Variants in OSTM1 observed in about 807,000 individuals in gnomAD.
The protein encoded by OSTM1 is osteoclastogenesis associated transmembrane protein 1, also known as osteopetrosis-associated transmembrane protein 1.
OSTM1 carries 26 observed loss-of-function variants against 35.4 expected under a neutral mutation model. The observed-to-expected ratio is 0.73, with a 90% CI of 0.54 to 1.02. The LOEUF (loss-of-function observed/expected upper bound fraction) is 1.02. Among genes scored for constraint, OSTM1 ranks in the 50% least tolerant of loss-of-function variants. The pLI, the probability that OSTM1 is intolerant of heterozygous loss-of-function variation, is 0.00. For missense variants in OSTM1, 366 were observed against 409.6 expected, an observed-to-expected ratio of 0.89 and a Z score of 0.92; for synonymous variants, 181 against 165.0, an observed-to-expected ratio of 1.10 and a Z score of -0.75.
At chr6:108,067,008 G>T (rs575193226) in intron 1 of OSTM1, among the ~76,000 whole-genome samples, 1 of 152,224 alleles carries the variant, frequency 6.6e-6, no homozygotes, top group South Asian at 2.1e-4. Flanking sequence ...CATTTCCTTT[G>T]ATCATGCCTG....
chr6:108,056,236 T>C (rs1772167800), intron 2 of OSTM1, among the ~76,000 whole-genome samples: 1 of 152,214 alleles, frequency 6.6e-6, no homozygotes, highest in African/African-American at 2.4e-5. Flanking sequence ...GGAAAAATTA[T>C]CATTATCTCC....
intron 2 of OSTM1, among the ~76,000 whole-genome samples, chr6:108,059,397 C>CAAGACTAATACCATTTG (rs1772234560): frequency 1.3e-5 from 2 of 151,980 alleles, no homozygotes; most frequent in African/African-American, 4.8e-5. Context: ...AGATTCCTAC[C>CAAGACTAATACCATTTG]AAGACTAATA....
chr6:108,060,396 A>T (rs922505629), intron 2 of OSTM1, among the ~76,000 whole-genome samples: 1 of 152,226 alleles, frequency 6.6e-6, no homozygotes, highest in South Asian at 2.1e-4. Flanking sequence ...AAAGGTCTGT[A>T]CTTCGAATTA....
chr6:108,043,179 A>G lies in OSTM1; in HGVS notation c.*1606T>C, dbSNP rs1226741134. On this transcript the variant is annotated 3_prime_UTR_variant, in exon 6 of 6. Transcript: ENST00000193322. ...AACATGTCATTTTCTAACTCTGCAC[A>G]TGTAAACTTGTTTTATCTGCATTAA... 3 of 152,252 alleles carry G rather than the reference A, an allele frequency of 2.0e-5. No homozygotes were observed. Among genetic ancestry groups the G allele is most frequent in the South Asian group, 4.1e-4 (2 of 4,838 alleles). The allele number at this position is 152,252 out of a possible 1,614,324, so 9.4% of individuals were successfully genotyped here.
chr6:108,054,533 T>G lies in OSTM1; in HGVS notation c.572A>C (p.Asn191Thr). 1 of 1,573,626 alleles carries G rather than the reference T, an allele frequency of 6.4e-7. No individual in the cohort carries two copies. The highest frequency in any genetic ancestry group is 8.7e-7 in the Non-Finnish European group (1 of 1,146,114). ...ELSNSTVYFL[N>T]LFNHTLTCFE... ...GCAGGTCAGGGTGTGATTAAATAGA[T>G]TAAGGAAATATACTGTGCTGTTTGA... The change falls in exon 3 of 6, where the codon AAT (asparagine) becomes ACT (threonine). Residue 191 changes from asparagine to threonine, a missense_variant. Physicochemically the swap from Asn to Thr is moderately conservative, Grantham distance 65. Coordinates refer to ENST00000193322, the MANE Select transcript of OSTM1 (RefSeq NM_014028.4).
intron 1 of OSTM1, among the ~76,000 whole-genome samples, chr6:108,068,296 T>G (rs9398160): frequency 0.28 from 41,894 of 152,020 alleles, 6,177 homozygotes; most frequent in Admixed American, 0.45. Context: ...CAAATGCCAT[T>G]TTTATGCCGA....
rs1285605954 is a variant in OSTM1, at chr6:108,054,522, G to A, written c.583C>T (p.His195Tyr). The change falls in exon 3 of 6, where the codon CAC (histidine) becomes TAC (tyrosine). Residue 195 changes from histidine to tyrosine, a missense_variant. His to Tyr is a moderately conservative substitution (Grantham distance 83). This residue lies in a region of OSTM1 where 5 missense variants were observed against 18.5 expected (regional missense o/e 0.27). Coordinates refer to ENST00000193322, the MANE Select transcript of OSTM1 (RefSeq NM_014028.4). ...TTATGTTCAAAGCAGGTCAGGGTGTGATTAAATAGATTAAGGAAATATACT... is the reference window on the plus strand; with the variant it reads ...TTATGTTCAAAGCAGGTCAGGGTGTAATTAAATAGATTAAGGAAATATACT... ...STVYFLNLFNHTLTCFEHNLQ... is the reference protein window; with the variant it reads ...STVYFLNLFNYTLTCFEHNLQ... 1.9e-6 allele frequency: 3 copies of A among 1,551,016 alleles called. No homozygotes were observed. In the African/African-American group the frequency reaches 4.1e-5, roughly 21 times the overall value.
rs1181939981 is a variant in OSTM1, at chr6:108,074,268, G to C, written c.384C>G (p.Asn128Lys). Residue 128 changes from asparagine to lysine, a missense_variant, in exon 1 of 6, where the codon AAC becomes AAG. Transcript: ENST00000193322. ...TACCCACCCCCGCGGCTCGGCTGAT[G>C]TTGTCCATCTTGCTGACGACCTGTT... Reference protein sequence around the residue: ...LFQQVVSKMDNISRAAGNTSE... With the variant: ...LFQQVVSKMDKISRAAGNTSE... 2.5e-6 allele frequency: 4 copies of C among 1,612,472 alleles called. No individual in the cohort carries two copies. Among genetic ancestry groups the C allele is most frequent in the Non-Finnish European group, 2.5e-6 (3 of 1,179,968 alleles).
rs1772308592 is a variant in OSTM1, at chr6:108,062,970, C to T, written c.517+1215G>A. ...TATGCTTCCTGGAACATCTGTTGCC[C>T]TTTTATACCTCTGTGACTACCTGCA... On this transcript the variant is annotated intron_variant, in intron 2 of 5. Transcript: ENST00000193322. Among the ~76,000 whole-genome samples, 7 of 89,250 alleles carry T rather than the reference C, an allele frequency of 7.8e-5. No homozygotes were observed. In the South Asian group the frequency reaches 2.8e-3, roughly 35 times the overall value. 58.6% of individuals were successfully genotyped at this position (89,250 alleles called of 152,430 possible). A position where few individuals can be genotyped will look rare whatever the true frequency, so the allele number is the denominator to read the frequency against.
intron 1 of OSTM1, 96 bp downstream of exon 1, chr6:108,074,154 T>C (rs1772539767): frequency 2.4e-6 from 3 of 1,230,576 alleles, no homozygotes; most frequent in Non-Finnish European, 3.5e-6. Flanking sequence ...TTTCTTACTG[T>C]TGGGGAAACT....
At chr6:108,057,262 T>A (rs568992743) in intron 2 of OSTM1, among the ~76,000 whole-genome samples, 9 of 152,168 alleles carry the variant, frequency 5.9e-5, no homozygotes, top group Non-Finnish European at 1.0e-4. Context: ...AATATCATCA[T>A]GAAGTAGCCC....
chr6:108,069,774 G>A (rs956208), intron 1 of OSTM1, among the ~76,000 whole-genome samples: 36,089 of 152,030 alleles, frequency 0.24, 4,814 homozygotes, highest in Admixed American at 0.42. Context: ...AACTATATGC[G>A]ATCCCTCTCC....
chr6:108,055,725 T>C (rs1161292683), intron 2 of OSTM1, among the ~76,000 whole-genome samples: 3 of 152,360 alleles, frequency 2.0e-5, no homozygotes, highest in African/African-American at 7.2e-5. Flanking sequence ...TACAGAATAC[T>C]ACTACAGAAA....
rs747864549 is a variant in OSTM1, at chr6:108,054,569, CTGT to C, written c.533_535del (p.Asn178del). On this transcript the variant is annotated inframe_deletion, in exon 3 of 6. Coordinates refer to ENST00000193322, the MANE Select transcript of OSTM1 (RefSeq NM_014028.4). ...TACTGTGCTGTTTGATAATTCTTCA[CTGT>C]TGTTTGTTAAACAATCTGTCAAAAA... 3.9e-6 allele frequency: 6 copies of C among 1,544,602 alleles called. 1 individual carries two copies. The South Asian group carries it at 6.7e-5, about 17-fold the overall frequency.
intron 2 of OSTM1, among the ~76,000 whole-genome samples, chr6:108,057,508 A>G (rs1419803370): frequency 6.6e-6 from 1 of 152,232 alleles, no homozygotes; most frequent in Non-Finnish European, 1.5e-5. Context: ...CAGCAAAAGT[A>G]GTATAAAGTG....
intron 1 of OSTM1, among the ~76,000 whole-genome samples, chr6:108,064,651 C>T (rs764077406): frequency 1.2e-4 from 19 of 152,200 alleles, no homozygotes; most frequent in African/African-American, 4.3e-4. Flanking sequence ...TCCTTTCCTT[C>T]GTGCCCCAAG....
chr6:108,048,264 G>A (rs1772014600), intron 5 of OSTM1, among the ~76,000 whole-genome samples: 1 of 152,156 alleles, frequency 6.6e-6, no homozygotes, highest in Non-Finnish European at 1.5e-5. Flanking sequence ...GTATTTGAGA[G>A]AAAAGAAAAT....
chr6:108,059,408 C>T (rs547101907), intron 2 of OSTM1, among the ~76,000 whole-genome samples: 160 of 152,208 alleles, frequency 1.1e-3, no homozygotes, highest in Non-Finnish European at 1.8e-3. Flanking sequence ...AAGACTAATA[C>T]CATTTGAAGA....
chr6:108,053,313 G>A (rs971614696), intron 3 of OSTM1, among the ~76,000 whole-genome samples: 2 of 152,116 alleles, frequency 1.3e-5, no homozygotes, highest in Non-Finnish European at 2.9e-5. Context: ...CTGAAACTGT[G>A]GAAAGTGAAG....
Sources: gnomAD v4.1 joint callset for allele counts (sites outside exome capture counted in the v4.1 genomes callset) on GRCh38, gnomAD v4.1.1 for gene constraint, gnomAD v4.1.1 regional missense constraint, MANE v1.5 for transcripts, NCBI Gene and HGNC (gene_info 2026-07-23, HGNC 2026-07-21) for gene names.